The following CRTAC1 variants were observed in gnomAD, a reference collection of about 807,000 sequenced individuals.
The protein encoded by CRTAC1 is acidic secreted protein in cartilage.
A neutral mutation model predicts 67.8 loss-of-function variants in CRTAC1; 37 were observed. The observed-to-expected ratio is 0.55, with a 90% confidence interval of 0.42 to 0.72. CRTAC1 has a LOEUF of 0.72. Ranked by LOEUF, CRTAC1 falls within the 30% of genes least tolerant of loss-of-function variation. The pLI is 0.00. For missense variants in CRTAC1, 780 were observed against 931.6 expected (o/e 0.84, Z 2.12); for synonymous variants, 348 against 371.0 (o/e 0.94, Z 0.71).
Position 98,030,288 on chromosome 10 carries a change from C to T in CRTAC1, c.24+161G>A, listed in dbSNP as rs1329935091. Among the ~76,000 whole-genome samples, 5 of 152,178 alleles carry T rather than the reference C, an allele frequency of 3.3e-5. No individual in the cohort carries two copies. The South Asian group carries it at 8.3e-4, about 25-fold the overall frequency. Reference sequence around the variant, plus strand: ...TCCGCGCGCCAATCGAGTCCAGCGCCTCCCAGCAAGTTAGGAGCGAAGCCG... The same window carrying T: ...TCCGCGCGCCAATCGAGTCCAGCGCTTCCCAGCAAGTTAGGAGCGAAGCCG... On this transcript the variant is annotated intron_variant, in intron 1 of 14. Coordinates refer to ENST00000370597, the MANE Select transcript of CRTAC1 (RefSeq NM_018058.7). This position sits in a 1 kb window ranked among gnomAD's most constrained non-coding sequence, Gnocchi z 4.2.
At chr10:97,979,691 A>C (rs1275677190) in intron 2 of CRTAC1, among the ~76,000 whole-genome samples, 1 of 152,156 alleles carries the variant, frequency 6.6e-6, no homozygotes, top group Non-Finnish European at 1.5e-5. Flanking sequence ...TGCACTTTAG[A>C]ATCACCTGGA....
chr10:98,009,890 T>C (rs141743915), intron 2 of CRTAC1, among the ~76,000 whole-genome samples: 1 of 152,332 alleles, frequency 6.6e-6, no homozygotes, highest in East Asian at 1.9e-4. Context: ...AGAGAGCAAG[T>C]TGCTTACTGC....
In CRTAC1 at chr10:97,893,054, G is replaced by A. The variant is rs545690731; in HGVS notation, c.1486+2191C>T. Among the ~76,000 whole-genome samples, 8 of 152,328 alleles carry A rather than the reference G, an allele frequency of 5.3e-5. No homozygotes were observed. The South Asian group carries it at 1.2e-3, about 24-fold the overall frequency. ...TTTAAGTATCATGTGACCTTGGCAGGTTTCTTAATTGTTCTGATCTTCAGT... is the reference window on the plus strand; with the variant it reads ...TTTAAGTATCATGTGACCTTGGCAGATTTCTTAATTGTTCTGATCTTCAGT... On this transcript the variant is annotated intron_variant, in intron 11 of 14. Coordinates refer to ENST00000370597, the MANE Select transcript of CRTAC1 (RefSeq NM_018058.7).
intron 14 of CRTAC1, chr10:97,865,916 C>T: frequency 1.4e-6 from 1 of 735,294 alleles, no homozygotes; most frequent in Non-Finnish European, 2.0e-6. Context: ...ATTTCCTGAC[C>T]TGGGGGCTTT....
intron 1 of CRTAC1, among the ~76,000 whole-genome samples, chr10:98,019,366 C>T (rs1050799832): frequency 6.6e-6 from 1 of 152,128 alleles, no homozygotes; most frequent in Non-Finnish European, 1.5e-5. Context: ...TCCACCACGG[C>T]GATTTTGCTG....
chr10:97,930,474 C>A (rs1411903229), intron 3 of CRTAC1, among the ~76,000 whole-genome samples: 1 of 152,218 alleles, frequency 6.6e-6, no homozygotes, highest in Non-Finnish European at 1.5e-5. Flanking sequence ...ACATCTCAGA[C>A]TTTGCTGGGT....
At chr10:97,998,341 T>A (rs570024776) in intron 2 of CRTAC1, among the ~76,000 whole-genome samples, 1 of 152,058 alleles carries the variant, frequency 6.6e-6, no homozygotes, top group Non-Finnish European at 1.5e-5. Context: ...TCCTCCAATT[T>A]GGGAAGCACA....
intron 2 of CRTAC1, among the ~76,000 whole-genome samples, chr10:97,986,016 C>T (rs2051976639): frequency 6.6e-6 from 1 of 152,156 alleles, no homozygotes; most frequent in African/African-American, 2.4e-5. Flanking sequence ...CTGCAACAGC[C>T]TCTAAAATGC....
At chr10:97,903,210 C>G (rs1158999319) in intron 7 of CRTAC1, among the ~76,000 whole-genome samples, 2 of 147,358 alleles carry the variant, frequency 1.4e-5, no homozygotes, top group Non-Finnish European at 3.0e-5. Context: ...ACTGGATAAT[C>G]CTTTGTTGTG....
At chr10:97,944,082 A>AGGAT (rs1265466033) in intron 2 of CRTAC1, among the ~76,000 whole-genome samples, 3 of 152,340 alleles carry the variant, frequency 2.0e-5, no homozygotes, top group African/African-American at 7.2e-5. Flanking sequence ...TTTAGGTCTT[A>AGGAT]GGATGGCGAC....
intron 4 of CRTAC1, among the ~76,000 whole-genome samples, chr10:97,917,897 T>C (rs1028547253): frequency 2.0e-5 from 3 of 152,132 alleles, no homozygotes; most frequent in African/African-American, 7.2e-5. Context: ...TTTCCTTCCA[T>C]CCTGTTCCAG....
intron 2 of CRTAC1, among the ~76,000 whole-genome samples, chr10:97,951,892 A>G (rs1459633961): frequency 6.6e-6 from 1 of 152,098 alleles, no homozygotes; most frequent in Non-Finnish European, 1.5e-5. Flanking sequence ...AAAGTGTGAA[A>G]TTTTGGGCCC....
At chr10:98,027,791 A>G (rs937201355) in intron 1 of CRTAC1, among the ~76,000 whole-genome samples, 6 of 152,252 alleles carry the variant, frequency 3.9e-5, no homozygotes, top group African/African-American at 1.2e-4. Flanking sequence ...TGGTCAGTCA[A>G]TAACTATGAG....
chr10:98,010,658 T>G (rs2136694339), intron 2 of CRTAC1, among the ~76,000 whole-genome samples: 1 of 152,312 alleles, frequency 6.6e-6, no homozygotes, highest in African/African-American at 2.4e-5. Flanking sequence ...AATTTCCATC[T>G]TCCCCCCTCT....
intron 1 of CRTAC1, among the ~76,000 whole-genome samples, chr10:98,025,361 AG>A (rs1843208055): frequency 6.6e-6 from 1 of 152,214 alleles, no homozygotes; most frequent in South Asian, 2.1e-4. Flanking sequence ...AGTTGTAACA[AG>A]AAAAAGTGTC....
intron 8 of CRTAC1, among the ~76,000 whole-genome samples, chr10:97,899,855 G>A (rs1297197978): frequency 6.6e-6 from 1 of 152,118 alleles, no homozygotes. Context: ...CTGGTCCTGA[G>A]CCCCATTGGA....
intron 1 of CRTAC1, among the ~76,000 whole-genome samples, chr10:98,013,783 CAT>C (rs1414020852): frequency 6.6e-6 from 1 of 152,150 alleles, no homozygotes; most frequent in East Asian, 1.9e-4. Flanking sequence ...GGATATTAAA[CAT>C]ATTTTGAACA....
Position 97,980,767 on chromosome 10 carries a change from G to C in CRTAC1, c.224+30371C>G, listed in dbSNP as rs561922894. 3.3e-4 allele frequency among the ~76,000 whole-genome samples: 51 copies of C among 152,310 alleles called. No homozygotes were observed. In the South Asian group the frequency reaches 0.01, roughly 31 times the overall value. ...GAGATGGAAAAATGACCCCACGGAGGTGTCTAGTATTCCCCCAATATTTAA... is the reference window on the plus strand; with the variant it reads ...GAGATGGAAAAATGACCCCACGGAGCTGTCTAGTATTCCCCCAATATTTAA... On this transcript the variant is annotated intron_variant, in intron 2 of 14. Coordinates refer to ENST00000370597, the MANE Select transcript of CRTAC1 (RefSeq NM_018058.7).
At chr10:97,937,401 A>G (rs1283159167) in intron 2 of CRTAC1, among the ~76,000 whole-genome samples, 1 of 151,934 alleles carries the variant, frequency 6.6e-6, no homozygotes, top group Non-Finnish European at 1.5e-5. Context: ...CCTGTTCTCT[A>G]TCTCTCACTA....
Sources: gnomAD v4.1 joint callset for allele counts (sites outside exome capture counted in the v4.1 genomes callset) on GRCh38, gnomAD v4.1.1 for gene constraint, Gnocchi (gnomAD v3.1) non-coding constraint, MANE v1.5 for transcripts, NCBI Gene and HGNC (gene_info 2026-07-23, HGNC 2026-07-21) for gene names.